RTTN: variants seen among roughly 807,000 people sequenced by gnomAD.
RTTN encodes rotatin.
RTTN carries 182 observed loss-of-function variants against 269.2 expected under a neutral mutation model. The ratio of observed to expected loss-of-function variants is 0.68; its 90% CI spans 0.60 to 0.76. The LOEUF (loss-of-function observed/expected upper bound fraction) is 0.76, where lower values mean the gene tolerates loss of function less well. RTTN is among the 30% of genes least tolerant of loss of function. The pLI, the probability that RTTN is intolerant of heterozygous loss-of-function variation, is 0.00. For synonymous variants in RTTN, 1,006 were observed against 963.5 expected, an observed-to-expected ratio of 1.04 and a Z score of -0.82; for missense variants, 2,545 against 2,608.6, an observed-to-expected ratio of 0.98 and a Z score of 0.53.
At chr18:70,030,806 A>G in intron 41 of RTTN, 70 bp downstream of exon 41, 1 of 1,156,820 alleles carries the variant, frequency 8.6e-7, no homozygotes, top group Non-Finnish European at 1.2e-6. Flanking sequence ...AAAGAAAATT[A>G]ACTTGAACAA....
At chr18:70,006,297 C>T (rs1316800874) in intron 47 of RTTN, 84 bp downstream of exon 47, 11 of 906,244 alleles carry the variant, frequency 1.2e-5, no homozygotes, top group Admixed American at 4.0e-5. Context: ...ACTCTTGACA[C>T]CTTTGGATGT....
chr18:70,101,174 T>C (rs890486558), intron 28 of RTTN, among the ~76,000 whole-genome samples: 1 of 152,242 alleles, frequency 6.6e-6, no homozygotes, highest in Non-Finnish European at 1.5e-5. Flanking sequence ...TTCGTACCTC[T>C]GGTAGAATTC....
At chr18:70,141,975 C>G (rs769409631) in intron 19 of RTTN, among the ~76,000 whole-genome samples, 2 of 152,122 alleles carry the variant, frequency 1.3e-5, no homozygotes, top group Non-Finnish European at 2.9e-5. Context: ...GAAGATAATT[C>G]TATCAAATGG....
chr18:70,176,196 T>C (rs1599919599), intron 11 of RTTN, among the ~76,000 whole-genome samples: 3 of 131,388 alleles, frequency 2.3e-5, no homozygotes, highest in South Asian at 2.4e-4. Flanking sequence ...TAGATGTAGA[T>C]GTAGATGTAT....
intron 5 of RTTN, among the ~76,000 whole-genome samples, chr18:70,198,509 C>T (rs2061868010): frequency 3.9e-5 from 6 of 152,072 alleles, no homozygotes; most frequent in Non-Finnish European, 5.9e-5. Context: ...TGGACTTAGC[C>T]CTAGTAAATT....
At chr18:70,147,884 C>G (rs1234158830) in intron 17 of RTTN, among the ~76,000 whole-genome samples, 1 of 152,104 alleles carries the variant, frequency 6.6e-6, no homozygotes, top group African/African-American at 2.4e-5. Flanking sequence ...GAGTACCACA[C>G]TAGCATGTTA....
intron 46 of RTTN, chr18:70,008,276 G>C (rs1352159953): frequency 6.6e-6 from 1 of 152,122 alleles, no homozygotes; most frequent in Non-Finnish European, 1.5e-5. Context: ...ACCAAAGGTA[G>C]ATAAATCCAC....
chr18:70,031,469 T>C (rs2057010560), intron 40 of RTTN: 1 of 397,368 alleles, frequency 2.5e-6, no homozygotes, highest in South Asian at 1.3e-4. Flanking sequence ...AACATGCACC[T>C]GTCATATAAC....
rs1290826832 is a variant in RTTN at position 70,058,707 on chromosome 18, G to C, written c.4941-875C>G. Among the ~76,000 whole-genome samples, 5 of 152,138 alleles carry C rather than the reference G, an allele frequency of 3.3e-5. No homozygotes were observed. The East Asian group carries it at 9.7e-4, about 29-fold the overall frequency. On this transcript the variant is annotated intron_variant, in intron 36 of 48. Coordinates refer to ENST00000640769, the MANE Select transcript of RTTN (RefSeq NM_173630.4). ...AGAAGCAAAGAAGATCCTATCCCTA[G>C]AGCTCTATTTTGGTCATCTTCAGGC...
At chr18:70,083,677 C>A (rs977383079) in intron 32 of RTTN, among the ~76,000 whole-genome samples, 1 of 151,844 alleles carries the variant, frequency 6.6e-6, no homozygotes, top group African/African-American at 2.4e-5. Flanking sequence ...AGATTTAAGG[C>A]CCATTACAAG....
intron 46 of RTTN, among the ~76,000 whole-genome samples, chr18:70,016,949 G>A (rs993681013): frequency 3.3e-5 from 5 of 152,030 alleles, no homozygotes; most frequent in African/African-American, 7.2e-5. Flanking sequence ...ATAATACTAC[G>A]GAGGGAAACA....
chr18:70,040,382 C>T (rs2057305463), intron 40 of RTTN, among the ~76,000 whole-genome samples: 1 of 152,002 alleles, frequency 6.6e-6, no homozygotes, highest in Admixed American at 6.6e-5. Context: ...CAAAGAAGAT[C>T]ATTATATAAT....
chr18:70,205,007 T>C, intron 2 of RTTN, 121 bp downstream of exon 2: 1 of 896,152 alleles, frequency 1.1e-6, no homozygotes, highest in Non-Finnish European at 1.7e-6. Context: ...AAATTAAACA[T>C]CTCTGGTTGA....
At chr18:70,160,670 A>G (rs1041783107) in intron 14 of RTTN, among the ~76,000 whole-genome samples, 5 of 151,692 alleles carry the variant, frequency 3.3e-5, no homozygotes, top group African/African-American at 9.7e-5. Flanking sequence ...AAAAAAAAAA[A>G]AAAAAGAAAA....
At chr18:70,148,311 A>G (rs1192350812) in intron 17 of RTTN, among the ~76,000 whole-genome samples, 7 of 152,198 alleles carry the variant, frequency 4.6e-5, no homozygotes, top group Admixed American at 6.6e-5. Flanking sequence ...ATAATAGAAA[A>G]GATTCATGTT....
chr18:70,064,336 CAAAAAAAAAAAAAA>C (rs11308196), intron 35 of RTTN, among the ~76,000 whole-genome samples: 6 of 61,718 alleles, frequency 9.7e-5, no homozygotes, highest in African/African-American at 3.1e-4. Context: ...AGACTGCCTC[CAAAAAAAAAAAAAA>C]AAAAAAAAAG....
rs982540051 is a variant in RTTN at position 70,080,936 on chromosome 18, A to T, written c.4375-5395T>A. On this transcript the variant is annotated intron_variant, in intron 32 of 48. Coordinates refer to ENST00000640769, the MANE Select transcript of RTTN (RefSeq NM_173630.4). ...AACTGGTGTGTGTGGTATCACACAC[A>T]CACACACACACACACACACACACAC... is the stretch of plus-strand genomic sequence containing the variant. 9.6e-4 allele frequency among the ~76,000 whole-genome samples: 14 copies of T among 14,540 alleles called. 1 individual carries two copies. In the East Asian group the frequency reaches 0.25, roughly 260 times the overall value. 9.5% of individuals were successfully genotyped at this position (14,540 alleles called of 152,430 possible). A position where few individuals can be genotyped will look rare whatever the true frequency, so the allele number is the denominator to read the frequency against.
At chr18:70,009,268 T>A (rs1341910313) in intron 46 of RTTN, among the ~76,000 whole-genome samples, 1 of 152,042 alleles carries the variant, frequency 6.6e-6, no homozygotes, top group African/African-American at 2.4e-5. Context: ...CCTGAGTAGC[T>A]GGGACGACAG....
rs1286426665 is a variant in RTTN at position 70,048,176 on chromosome 18, G to A, written c.5336C>T (p.Thr1779Ile). 6.2e-7 allele frequency: 1 copy of A among 1,612,958 alleles called. No homozygotes were observed. Among genetic ancestry groups the A allele is most frequent in the East Asian group, 2.2e-5 (1 of 44,852 alleles). ...ACACGTGGCAGACAAGCCTGCACAT[G>A]TGCAGAACATATCTAAAGGAATAAT... ...HWTAAIDMFC[T>I]CAGLSATCPA... is the part of the protein sequence containing the mutation. The change falls in exon 40 of 49, where the codon ACA (threonine) becomes ATA (isoleucine). Residue 1779 changes from threonine (T) to isoleucine (I), a missense_variant. Coordinates refer to ENST00000640769, the MANE Select transcript of RTTN (RefSeq NM_173630.4).
Sources: allele counts gnomAD v4.1 joint callset (sites outside exome capture counted in the v4.1 genomes callset), GRCh38; gene constraint gnomAD v4.1.1; transcripts MANE v1.5; gene names NCBI Gene and HGNC (gene_info 2026-07-23, HGNC 2026-07-21).